PCDH15: variants seen among roughly 807,000 people sequenced by gnomAD.
PCDH15 encodes protocadherin-15.
PCDH15 carries 129 observed loss-of-function variants against 178.5 expected under a neutral mutation model. The ratio of observed to expected loss-of-function variants is 0.72; its 90% CI spans 0.63 to 0.84. The LOEUF (loss-of-function observed/expected upper bound fraction) is 0.84, where lower values mean the gene tolerates loss of function less well. Ranked by LOEUF, PCDH15 falls within the 40% of genes least tolerant of loss-of-function variation. PCDH15 has a pLI of 0.00. For missense variants in PCDH15, 2,230 were observed against 2,099.9 expected, an observed-to-expected ratio of 1.06 and a Z score of -1.21; for synonymous variants, 800 against 732.0, an observed-to-expected ratio of 1.09 and a Z score of -1.50.
intron 1 of PCDH15, among the ~76,000 whole-genome samples, chr10:54,683,139 T>A: frequency 6.6e-6 from 1 of 152,174 alleles, no homozygotes; most frequent in East Asian, 1.9e-4. Context: ...ATTTTTTAAA[T>A]ATTTTTAATT....
intron 1 of PCDH15, among the ~76,000 whole-genome samples, chr10:55,259,861 C>G (rs954759105): frequency 3.2e-5 from 4 of 125,844 alleles, no homozygotes; most frequent in Admixed American, 2.8e-4. Flanking sequence ...GAGATTGCAC[C>G]ATTGCACTCC....
intron 13 of PCDH15, among the ~76,000 whole-genome samples, chr10:54,155,955 T>C (rs1410341801): frequency 6.6e-6 from 1 of 152,116 alleles, no homozygotes; most frequent in Non-Finnish European, 1.5e-5. Flanking sequence ...CTGTGACCAG[T>C]AGATAGTGTC....
chr10:55,446,140 A>T (rs1252367386), intron 2 of PCDH15, among the ~76,000 whole-genome samples: 3 of 152,014 alleles, frequency 2.0e-5, no homozygotes, highest in African/African-American at 7.2e-5. Context: ...TTAAAAATGA[A>T]TGAACTAATA....
Position 54,369,218 on chromosome 10 carries a change from C to A in PCDH15, c.376G>T (p.Gly126Cys). 1 of 1,612,652 alleles carries A rather than the reference C, an allele frequency of 6.2e-7. No individual in the cohort carries two copies. ...CGCACTTCATGGTAGATAATAGTGC[C>A]CACTTTTTTGTTGATGCACTGGACC... is the stretch of plus-strand genomic sequence containing the variant. ...VQVQCINKKVGTIIYHEVRIV... is the reference protein window; with the variant it reads ...VQVQCINKKVCTIIYHEVRIV... The change falls in exon 5 of 38, where the codon GGC (glycine) becomes TGC (cysteine). Residue 126 changes from glycine to cysteine, a missense_variant. Coordinates refer to ENST00000644397, the MANE Select transcript of PCDH15 (RefSeq NM_001384140.1).
intron 3 of PCDH15, among the ~76,000 whole-genome samples, chr10:54,453,359 A>G (rs1452519036): frequency 2.6e-5 from 4 of 152,150 alleles, no homozygotes; most frequent in Admixed American, 6.6e-5. Context: ...TTGTAGGGAC[A>G]TGGATGAAGC....
intron 25 of PCDH15, among the ~76,000 whole-genome samples, chr10:53,921,594 T>C (rs996862627): frequency 6.6e-6 from 1 of 152,166 alleles, no homozygotes; most frequent in Non-Finnish European, 1.5e-5. Flanking sequence ...AGATGTGTGA[T>C]CCTTGAACTG....
chr10:54,471,172 G>A (rs886142487), intron 3 of PCDH15, among the ~76,000 whole-genome samples: 1 of 151,914 alleles, frequency 6.6e-6, no homozygotes, highest in African/African-American at 2.4e-5. Flanking sequence ...AAAATCACAA[G>A]GAAAAGAAAA....
At chr10:55,009,877 C>T (rs1413662045) in intron 2 of PCDH15, among the ~76,000 whole-genome samples, 6 of 152,084 alleles carry the variant, frequency 3.9e-5, no homozygotes, top group Admixed American at 3.3e-4. Flanking sequence ...AACTGCATAC[C>T]TCTAGTTCAT....
intron 2 of PCDH15, among the ~76,000 whole-genome samples, chr10:54,953,823 A>C (rs1384399398): frequency 6.6e-6 from 1 of 151,248 alleles, no homozygotes; most frequent in Admixed American, 6.6e-5. Flanking sequence ...AAATATTTTA[A>C]ACATTTTTAT....
intron 2 of PCDH15, among the ~76,000 whole-genome samples, chr10:55,524,272 G>C (rs1841252349): frequency 6.6e-6 from 1 of 151,470 alleles, no homozygotes; most frequent in Admixed American, 6.6e-5. Context: ...GTTCAGAAGA[G>C]ATTTGGTACA....
chr10:55,438,034 C>T (rs1192335822), intron 2 of PCDH15, among the ~76,000 whole-genome samples: 1 of 151,804 alleles, frequency 6.6e-6, no homozygotes. Flanking sequence ...GGGGTTTCTC[C>T]ATGTTGGTCA....
At chr10:54,905,135 C>A (rs747687006) in intron 2 of PCDH15, among the ~76,000 whole-genome samples, 1 of 151,914 alleles carries the variant, frequency 6.6e-6, no homozygotes, top group African/African-American at 2.4e-5. Context: ...GATTTGGCCT[C>A]AAAGTCCAGA....
At chr10:55,213,296 C>T (rs1191041489) in intron 1 of PCDH15, among the ~76,000 whole-genome samples, 1 of 152,036 alleles carries the variant, frequency 6.6e-6, no homozygotes, top group Non-Finnish European at 1.5e-5. Context: ...TTCATTTACA[C>T]TACCTAAATG....
chr10:54,501,973 T>G (rs1309407265), intron 3 of PCDH15, among the ~76,000 whole-genome samples: 1 of 152,006 alleles, frequency 6.6e-6, no homozygotes, highest in East Asian at 1.9e-4. Context: ...TTGCTCTTCT[T>G]AATATAATAT....
At chr10:54,133,444 TGC>T (rs2133066919) in intron 14 of PCDH15, among the ~76,000 whole-genome samples, 1 of 152,290 alleles carries the variant, frequency 6.6e-6, no homozygotes, top group Non-Finnish European at 1.5e-5. Flanking sequence ...AATTATGGGC[TGC>T]GTTTTATCAG....
intron 2 of PCDH15, among the ~76,000 whole-genome samples, chr10:55,372,343 T>C (rs1845526313): frequency 6.6e-6 from 1 of 152,146 alleles, no homozygotes; most frequent in Non-Finnish European, 1.5e-5. Flanking sequence ...AAGAACTTAG[T>C]TTTTGCATAG....
intron 5 of PCDH15, among the ~76,000 whole-genome samples, chr10:54,350,352 C>G (rs1196596414): frequency 2.0e-5 from 3 of 152,100 alleles, no homozygotes; most frequent in Non-Finnish European, 4.4e-5. Context: ...ACATTTAAGG[C>G]AAATGTCTTA....
intron 3 of PCDH15, among the ~76,000 whole-genome samples, chr10:54,463,473 A>C (rs563746300): frequency 6.6e-6 from 1 of 152,290 alleles, no homozygotes; most frequent in African/African-American, 2.4e-5. Context: ...AGTTGAAATG[A>C]GGTGGTTTGG....
chr10:55,074,207 T>C (rs950727973), intron 2 of PCDH15, among the ~76,000 whole-genome samples: 2 of 152,226 alleles, frequency 1.3e-5, no homozygotes, highest in African/African-American at 4.8e-5. Flanking sequence ...GCATGATTTA[T>C]ATTCCTTTGG....
Sources: allele counts gnomAD v4.1 joint callset (sites outside exome capture counted in the v4.1 genomes callset), GRCh38; gene constraint gnomAD v4.1.1; transcripts MANE v1.5; gene names NCBI Gene and HGNC (gene_info 2026-07-23, HGNC 2026-07-21).